Variants in CASZ1 observed in about 807,000 individuals in gnomAD.
CASZ1 encodes the protein zinc finger protein castor homolog 1.
Under a neutral mutation model 135.2 loss-of-function variants are expected in CASZ1, and 28 were observed. The observed-to-expected ratio is 0.21, with a 90% confidence interval of 0.15 to 0.28. CASZ1 has a LOEUF of 0.28. Ranked by LOEUF, CASZ1 falls within the 10% of genes least tolerant of loss-of-function variation. CASZ1 has a pLI of 1.00. For synonymous variants in CASZ1, 1,068 were observed against 1,073.4 expected (o/e 0.99, Z 0.10); for missense variants, 2,161 against 2,453.3 (o/e 0.88, Z 2.52).
At chr1:10,787,595 C>A (rs986469215) in intron 1 of CASZ1, among the ~76,000 whole-genome samples, 1 of 152,128 alleles carries the variant, frequency 6.6e-6, no homozygotes, top group African/African-American at 2.4e-5. Flanking sequence ...AGGGTGCCAG[C>A]CTGGCAGAGC....
intron 3 of CASZ1, among the ~76,000 whole-genome samples, chr1:10,702,411 C>T (rs977782023): frequency 5.3e-5 from 8 of 152,166 alleles, no homozygotes; most frequent in Admixed American, 6.5e-5. Context: ...CCACCATCAT[C>T]GTTCCCCAAA....
At chr1:10,669,048 C>T (rs761422872) in intron 4 of CASZ1, among the ~76,000 whole-genome samples, 8 of 152,224 alleles carry the variant, frequency 5.3e-5, no homozygotes, top group Non-Finnish European at 7.3e-5. Flanking sequence ...CAGGTCTCCC[C>T]GCAGGTCTCT....
rs535894654 is a variant in CASZ1, at chr1:10,701,798, C to T, written c.-24+3694G>A. On this transcript the variant is annotated intron_variant, in intron 3 of 20. Transcript: ENST00000377022. This position sits in a 1 kb window ranked among gnomAD's most constrained non-coding sequence, Gnocchi z 6.3. ...TGAGCCCCTAGGACCAGGCAGCTGA[C>T]GGGGGGCTGGCTTTCCTGCCTCCTG... is the stretch of plus-strand genomic sequence containing the variant. 1.3e-5 allele frequency among the ~76,000 whole-genome samples: 2 copies of T among 152,200 alleles called. No homozygotes were observed. Among genetic ancestry groups the T allele is most frequent in the Non-Finnish European group, 2.9e-5 (2 of 67,992 alleles).
chr1:10,656,778 A>ACAGTCC (rs746349708), intron 7 of CASZ1, 42 bp from the exon 8 acceptor site: 12 of 1,360,014 alleles, frequency 8.8e-6, no homozygotes, highest in Middle Eastern at 2.0e-4. Context: ...GCTGTGGGTG[A>ACAGTCC]CAGTCCCAGC....
chr1:10,653,705 G>T lies in CASZ1; in HGVS notation c.2352C>A (p.Ile784=). 6.3e-7 allele frequency: 1 copy of T among 1,592,228 alleles called. No homozygotes were observed. The highest frequency in any genetic ancestry group is 8.6e-7 in the Non-Finnish European group (1 of 1,168,866). Residue 784 remains isoleucine, a synonymous_variant, in exon 11 of 21, where the codon ATC becomes ATA. Transcript: ENST00000377022. ...AGTTGGAGAGGGCCAGGGCCAGGGG[G>T]ATTGAGCCAGGCAGGCCCTGGGGCA... ...GLLPQGLPGS[I]PLALALSNSG...
intron 2 of CASZ1, among the ~76,000 whole-genome samples, chr1:10,710,144 A>G (rs144329040): frequency 6.6e-6 from 1 of 152,344 alleles, no homozygotes; most frequent in East Asian, 1.9e-4. Flanking sequence ...TTTTAATCAT[A>G]GTAATTTTTA....
At chr1:10,728,685 G>A (rs1308919431) in intron 2 of CASZ1, among the ~76,000 whole-genome samples, 2 of 151,948 alleles carry the variant, frequency 1.3e-5, no homozygotes, top group Non-Finnish European at 2.9e-5. Flanking sequence ...GGAGACCCCG[G>A]CTTGAAAAAA....
Position 10,694,253 on chromosome 1 carries a change from A to G in CASZ1, c.-23-341T>C. ...CGCCCCGCGCCCGGGTCGCCGCCCG[A>G]GACCGCGGCCCCCGGGCCTCCCCCG... On this transcript the variant is annotated intron_variant, in intron 3 of 20. Transcript: ENST00000377022. The surrounding 1 kb of genome is among the most constrained non-coding windows in gnomAD (Gnocchi z 6.6). 1.1e-6 allele frequency: 1 copy of G among 919,338 alleles called. No homozygotes were observed. Among genetic ancestry groups the G allele is most frequent in the Non-Finnish European group, 1.3e-6 (1 of 763,374 alleles). 56.9% of individuals were successfully genotyped at this position (919,338 alleles called of 1,614,324 possible).
chr1:10,660,921 G>A (rs887116466), intron 5 of CASZ1: 1 of 243,138 alleles, frequency 4.1e-6, no homozygotes, highest in Non-Finnish European at 8.0e-6. Context: ...TCCCAGGACA[G>A]GGAGCGGCAA....
intron 2 of CASZ1, among the ~76,000 whole-genome samples, chr1:10,753,279 G>T (rs1011291176): frequency 6.6e-6 from 1 of 152,218 alleles, no homozygotes; most frequent in Admixed American, 6.5e-5. Context: ...GAGGCAGTGA[G>T]GGGGAGTGGA....
Position 10,767,414 on chromosome 1 carries a change from G to A in CASZ1, c.-233-6557C>T, listed in dbSNP as rs527948337. ...AGCCCTGTAAACAACCTGATTTTCC[G>A]CCTTCCCAGATCCTAGGCAGATCCC... On this transcript the variant is annotated intron_variant, in intron 1 of 20. Transcript: ENST00000377022. This position sits in a 1 kb window ranked among gnomAD's most constrained non-coding sequence, Gnocchi z 4.2. 1.2e-4 allele frequency among the ~76,000 whole-genome samples: 19 copies of A among 152,334 alleles called. No individual in the cohort carries two copies. The South Asian group carries it at 3.5e-3, about 28-fold the overall frequency.
rs1371073688 is a variant in CASZ1, at chr1:10,724,679, G to T, written c.-76-19135C>A. The stretch of plus-strand genomic sequence containing the variant: ...AGCAGGGCCTAGCACGAGCTCCAAG[G>T]TTGCCCCTGGTCTTCGCTCAGAGGG... On this transcript the variant is annotated intron_variant, in intron 2 of 20. Transcript: ENST00000377022. The surrounding 1 kb of genome is among the most constrained non-coding windows in gnomAD (Gnocchi z 4.1). 6.6e-6 allele frequency among the ~76,000 whole-genome samples: 1 copy of T among 152,222 alleles called. No homozygotes were observed. Among genetic ancestry groups the T allele is most frequent in the East Asian group, 1.9e-4 (1 of 5,188 alleles).
In CASZ1 at chr1:10,767,844, A is replaced by T. The variant is rs1410250432; in HGVS notation, c.-233-6987T>A. ...CACTTCCCTCGCTGGCCCTGTCCAC[A>T]GCCCTCGGCCCATGAGGAGGGCCAC... On this transcript the variant is annotated intron_variant, in intron 1 of 20. Coordinates refer to ENST00000377022, the MANE Select transcript of CASZ1 (RefSeq NM_001079843.3). The surrounding 1 kb of genome is among the most constrained non-coding windows in gnomAD (Gnocchi z 4.2). Among the ~76,000 whole-genome samples the T allele has an allele frequency of 6.6e-6, 1 of 152,078 alleles. No homozygotes were observed. The highest frequency in any genetic ancestry group is 1.5e-5 in the Non-Finnish European group (1 of 68,018).
intron 4 of CASZ1, among the ~76,000 whole-genome samples, chr1:10,687,958 C>T (rs1026602889): frequency 3.9e-5 from 6 of 152,234 alleles, no homozygotes; most frequent in Non-Finnish European, 7.3e-5. Context: ...AATTGGCCAA[C>T]ATTTCCTGCC....
intron 2 of CASZ1, among the ~76,000 whole-genome samples, chr1:10,754,955 C>A (rs1451362035): frequency 1.3e-5 from 2 of 152,258 alleles, no homozygotes; most frequent in African/African-American, 4.8e-5. Context: ...CCTCCTCTTA[C>A]CCCGTTGGCC....
intron 2 of CASZ1, among the ~76,000 whole-genome samples, chr1:10,730,142 G>T (rs936252410): frequency 6.6e-6 from 1 of 151,790 alleles, no homozygotes; most frequent in African/African-American, 2.4e-5. Flanking sequence ...ACAGGATCTT[G>T]CTCTGTCACC....
chr1:10,735,798 T>C lies in CASZ1; in HGVS notation c.-77+24903A>G, dbSNP rs1463347337. ...AGGCCATCAGTGCCTCGCTCTGGGC[T>C]GCACCAAGGGGACACTGGGAGTTGT... On this transcript the variant is annotated intron_variant, in intron 2 of 20. Coordinates refer to ENST00000377022, the MANE Select transcript of CASZ1 (RefSeq NM_001079843.3). This position sits in a 1 kb window ranked among gnomAD's most constrained non-coding sequence, Gnocchi z 5.1. 1.3e-5 allele frequency among the ~76,000 whole-genome samples: 2 copies of C among 152,172 alleles called. No homozygotes were observed. Among genetic ancestry groups the C allele is most frequent in the African/African-American group, 4.8e-5 (2 of 41,434 alleles).
chr1:10,772,126 G>T (rs940445410), intron 1 of CASZ1, among the ~76,000 whole-genome samples: 1 of 152,252 alleles, frequency 6.6e-6, no homozygotes, highest in African/African-American at 2.4e-5. Context: ...GAAGGCTTGG[G>T]CTGTTGTGAA....
intron 4 of CASZ1, among the ~76,000 whole-genome samples, chr1:10,687,602 C>T (rs1245738675): frequency 6.6e-6 from 1 of 152,206 alleles, no homozygotes; most frequent in African/African-American, 2.4e-5. Context: ...GGAGGGATCC[C>T]GGAAGCGGGG....
Sources: gnomAD v4.1 joint callset for allele counts (sites outside exome capture counted in the v4.1 genomes callset) on GRCh38, gnomAD v4.1.1 for gene constraint, Gnocchi (gnomAD v3.1) non-coding constraint, MANE v1.5 for transcripts, NCBI Gene and HGNC (gene_info 2026-07-23, HGNC 2026-07-21) for gene names.